Variants in RNF157 observed in about 807,000 individuals in gnomAD.
RNF157 encodes ring finger protein 157, also known as E3 ubiquitin ligase RNF157.
In RNF157, 55 loss-of-function variants were observed where a neutral mutation model predicts 88.3. The ratio of observed to expected loss-of-function variants is 0.62; its 90% CI spans 0.50 to 0.78. The LOEUF is 0.78. Ranked by LOEUF, RNF157 falls within the 30% of genes least tolerant of loss-of-function variation. The probability of loss-of-function intolerance (pLI) is 0.00; values close to 1 mark genes in which losing one functional copy is unlikely to be tolerated. For synonymous variants in RNF157, 334 were observed against 341.2 expected (o/e 0.98, Z 0.23); for missense variants, 788 against 860.8 (o/e 0.92, Z 1.06).
chr17:76,169,800 C>T (rs1046030356), intron 3 of RNF157, among the ~76,000 whole-genome samples: 3 of 152,086 alleles, frequency 2.0e-5, no homozygotes, highest in Non-Finnish European at 4.4e-5. Flanking sequence ...AGGCTGGTCT[C>T]GAACTCCTGA....
Position 76,145,019 on chromosome 17 carries a change from G to A in RNF157, c.*216C>T, listed in dbSNP as rs1169280578. 5 of 513,610 alleles carry A rather than the reference G, an allele frequency of 9.7e-6. No individual in the cohort carries two copies. The highest frequency in any genetic ancestry group is 3.6e-5 in the Admixed American group (1 of 27,516). 31.8% of individuals were successfully genotyped at this position (513,610 alleles called of 1,614,324 possible). ...TTCCAGAGTCCCTGCAAAAGGTCTC[G>A]TGAGCTGCAGTTCATTGAGTGGCTT... On this transcript the variant is annotated 3_prime_UTR_variant, in exon 19 of 19. Transcript: ENST00000269391.
At chr17:76,220,673 A>C (rs745669056) in intron 1 of RNF157, among the ~76,000 whole-genome samples, 21 of 150,940 alleles carry the variant, frequency 1.4e-4, no homozygotes, top group Non-Finnish European at 2.8e-4. Flanking sequence ...TTTTTTAGTT[A>C]GCTGGGCCAG....
Position 76,174,084 on chromosome 17 carries a change from A to C in RNF157, c.208-294T>G, listed in dbSNP as rs183874590. ...ACCTGGAGAATTAATAATAAAAAAAAAAACCGCTGAAGTTCCAAATACCAA... is the reference window on the plus strand; with the variant it reads ...ACCTGGAGAATTAATAATAAAAAAACAAACCGCTGAAGTTCCAAATACCAA... On this transcript the variant is annotated intron_variant, in intron 2 of 18. Transcript: ENST00000269391. Among the ~76,000 whole-genome samples the C allele has an allele frequency of 7.8e-3, 1,183 of 152,256 alleles. 9 individuals are homozygous for C. The highest frequency in any genetic ancestry group is 0.027 in the African/African-American group (1,118 of 41,552).
chr17:76,162,776 T>G, intron 8 of RNF157, 153 bp from the exon 9 acceptor site: 4 of 523,794 alleles, frequency 7.6e-6, no homozygotes, highest in Non-Finnish European at 1.0e-5. Context: ...AAGATGCTTT[T>G]ATTTACTTAT....
At chr17:76,192,978 C>T (rs920040701) in intron 2 of RNF157, among the ~76,000 whole-genome samples, 6 of 151,976 alleles carry the variant, frequency 3.9e-5, no homozygotes, top group African/African-American at 1.5e-4. Context: ...CGCGCCACCA[C>T]ACCTAGCTAA....
At chr17:76,210,363 GTGGGCGGATCACGAGGTC>G (rs1317319352) in intron 2 of RNF157, among the ~76,000 whole-genome samples, 2 of 151,818 alleles carry the variant, frequency 1.3e-5, no homozygotes, top group African/African-American at 4.8e-5. Flanking sequence ...GGAGGCCAAG[GTGGGCGGATCACGAGGTC>G]AGATCGAGAC....
At chr17:76,210,596 AAAAAAAAAGAAAG>A (rs1350183972) in intron 2 of RNF157, among the ~76,000 whole-genome samples, 1 of 150,028 alleles carries the variant, frequency 6.7e-6, no homozygotes, top group Non-Finnish European at 1.5e-5. Flanking sequence ...TCCAAAAAAA[AAAAAAAAAGAAAG>A]AAAGAAAGAA....
intron 1 of RNF157, among the ~76,000 whole-genome samples, chr17:76,218,405 C>T (rs1383777233): frequency 6.6e-6 from 1 of 152,146 alleles, no homozygotes. Flanking sequence ...CTTTGGGAGG[C>T]CAAGGCAGGA....
At position 76,144,908 on chromosome 17, in the gene RNF157, T is replaced by A. The variant is rs889868438; in HGVS notation, c.*327A>T. On this transcript the variant is annotated 3_prime_UTR_variant, in exon 19 of 19. Coordinates refer to ENST00000269391, the MANE Select transcript of RNF157 (RefSeq NM_052916.3). The stretch of plus-strand genomic sequence containing the variant: ...AGCTGCCAAACTCTAAGCCTTCTTG[T>A]TCTACCCCCTAAGGAGAAAAAAGAT... 1.3e-5 allele frequency: 3 copies of A among 238,196 alleles called. No homozygotes were observed. Among genetic ancestry groups the A allele is most frequent in the African/African-American group, 6.7e-5 (3 of 44,542 alleles). The allele number at this position is 238,196 out of a possible 1,614,324, so 14.8% of individuals were successfully genotyped here.
At position 76,161,582 on chromosome 17, in the gene RNF157, A is replaced by G; in HGVS notation, c.1018T>C (p.Phe340Leu). ...GTCTGGGATGAGATGATGGGGTTAA[A>G]GCTGGTTGGGGACAAGGGGCCCAAT... The part of the protein sequence containing the change: ...KKLGPLSPTS[F>L]NPIISSQTSD... Residue 340 changes from phenylalanine to leucine, a missense_variant, in exon 11 of 19, where the codon TTT (phenylalanine) becomes CTT (leucine). By Grantham distance (22) the Phe-to-Leu change is conservative. Coordinates refer to ENST00000269391, the MANE Select transcript of RNF157 (RefSeq NM_052916.3). This position sits in a 1 kb window ranked among gnomAD's most constrained non-coding sequence, Gnocchi z 4.6. 6.2e-7 allele frequency: 1 copy of G among 1,614,144 alleles called. No homozygotes were observed. Among genetic ancestry groups the G allele is most frequent in the Non-Finnish European group, 8.5e-7 (1 of 1,180,024 alleles).
chr17:76,198,957 G>A (rs980254748), intron 2 of RNF157, among the ~76,000 whole-genome samples: 35 of 152,204 alleles, frequency 2.3e-4, no homozygotes, highest in Non-Finnish European at 4.3e-4. Flanking sequence ...CTGCTCATGG[G>A]CCCTCCTCCG....
At chr17:76,173,110 C>T (rs952863446) in intron 3 of RNF157, among the ~76,000 whole-genome samples, 4 of 152,070 alleles carry the variant, frequency 2.6e-5, no homozygotes, top group Admixed American at 2.6e-4. Context: ...CATGGTGAAA[C>T]CCCGTCTCTA....
chr17:76,184,684 G>A (rs761962695), intron 2 of RNF157, among the ~76,000 whole-genome samples: 2 of 152,086 alleles, frequency 1.3e-5, no homozygotes, highest in Non-Finnish European at 2.9e-5. Flanking sequence ...TAGAATGAAT[G>A]GTAATCACAA....
chr17:76,159,356 T>G lies in RNF157; in HGVS notation c.1283A>C (p.Lys428Thr). The G allele has an allele frequency of 6.2e-7, 1 of 1,613,418 alleles. No homozygotes were observed. The highest frequency in any genetic ancestry group is 8.5e-7 in the Non-Finnish European group (1 of 1,179,756). The change falls in exon 12 of 19, where the codon AAA becomes ACA. Residue 428 changes from lysine (K) to threonine (T), a missense_variant. Physicochemically the swap from Lys to Thr is moderately conservative, Grantham distance 78 (BLOSUM62 -1). Transcript: ENST00000269391. ...RLSDSSSQGL[K>T]LKKSLSKSTS... ...TCACTTGGAGAGACTCTTTTTGAGT[T>G]TGAGTCCCTGACTGCTGCTGTCAGA...
At chr17:76,201,189 TAGA>T (rs2069570086) in intron 2 of RNF157, among the ~76,000 whole-genome samples, 1 of 151,528 alleles carries the variant, frequency 6.6e-6, no homozygotes, top group South Asian at 2.1e-4. Flanking sequence ...TCAAACAACA[TAGA>T]AGAATATGAA....
chr17:76,149,929 G>T (rs767132432), intron 18 of RNF157, among the ~76,000 whole-genome samples: 2 of 152,074 alleles, frequency 1.3e-5, no homozygotes, highest in East Asian at 3.9e-4. Context: ...AGCTACTCAG[G>T]AGGCTGAGGC....
chr17:76,172,420 T>C (rs2069028960), intron 3 of RNF157, among the ~76,000 whole-genome samples: 1 of 151,864 alleles, frequency 6.6e-6, no homozygotes, highest in African/African-American at 2.4e-5. Context: ...GGAGAAACTC[T>C]GTCTCTACTA....
chr17:76,159,281 G>T, intron 12 of RNF157, 54 bp downstream of exon 12: 1 of 1,479,436 alleles, frequency 6.8e-7, no homozygotes, highest in Non-Finnish European at 9.4e-7. Flanking sequence ...AAGGAGGGAT[G>T]AAGCATTTCA....
chr17:76,219,159 A>G (rs2145043981), intron 1 of RNF157, among the ~76,000 whole-genome samples: 1 of 152,164 alleles, frequency 6.6e-6, no homozygotes, highest in East Asian at 1.9e-4. Context: ...AAACTAACAG[A>G]CAAAAATAAT....
Sources: allele counts gnomAD v4.1 joint callset (sites outside exome capture counted in the v4.1 genomes callset), GRCh38; gene constraint gnomAD v4.1.1; non-coding constraint Gnocchi (gnomAD v3.1); transcripts MANE v1.5; gene names NCBI Gene and HGNC (gene_info 2026-07-23, HGNC 2026-07-21).